Variants in SDCCAG8 observed in about 807,000 individuals in gnomAD.
SDCCAG8 encodes the protein SHH signaling and ciliogenesis regulator SDCCAG8.
Under a neutral mutation model 101.8 loss-of-function variants are expected in SDCCAG8, and 74 were observed. The ratio of observed to expected loss-of-function variants is 0.73; its 90% CI spans 0.60 to 0.88. The LOEUF is 0.88. Ranked by LOEUF, SDCCAG8 falls within the 40% of genes least tolerant of loss-of-function variation. The pLI, the probability that SDCCAG8 is intolerant of heterozygous loss-of-function variation, is 0.00. For synonymous variants in SDCCAG8, 281 were observed against 292.9 expected, an observed-to-expected ratio of 0.96 and a Z score of 0.41; for missense variants, 787 against 822.6, an observed-to-expected ratio of 0.96 and a Z score of 0.53.
intron 16 of SDCCAG8, among the ~76,000 whole-genome samples, chr1:243,461,319 A>G (rs1659061371): frequency 6.6e-6 from 1 of 152,226 alleles, no homozygotes; most frequent in Non-Finnish European, 1.5e-5. Flanking sequence ...AATGCAGTCA[A>G]ATGTAAGGTT....
intron 16 of SDCCAG8, among the ~76,000 whole-genome samples, chr1:243,482,408 G>T (rs538065643): frequency 6.6e-6 from 1 of 152,188 alleles, no homozygotes; most frequent in African/African-American, 2.4e-5. Context: ...GGGCGTGTTT[G>T]TTCCCATGGT....
intron 10 of SDCCAG8, among the ~76,000 whole-genome samples, chr1:243,338,208 C>T (rs1013984954): frequency 4.6e-5 from 7 of 152,128 alleles, no homozygotes; most frequent in Non-Finnish European, 1.0e-4. Context: ...AGCCACAGTG[C>T]CCGGCCTTTC....
intron 13 of SDCCAG8, among the ~76,000 whole-genome samples, chr1:243,386,773 G>A (rs1377255052): frequency 2.0e-5 from 3 of 151,666 alleles, no homozygotes; most frequent in Admixed American, 6.6e-5. Context: ...GAAAGTGAGA[G>A]AGAGAGAGAG....
At chr1:243,476,815 C>T (rs1662503353) in intron 16 of SDCCAG8, among the ~76,000 whole-genome samples, 1 of 152,106 alleles carries the variant, frequency 6.6e-6, no homozygotes, top group African/African-American at 2.4e-5. Context: ...ATTATTGGGC[C>T]AGTCAACAAG....
At chr1:243,296,618 C>G (rs964443458) in intron 6 of SDCCAG8, among the ~76,000 whole-genome samples, 1 of 144,662 alleles carries the variant, frequency 6.9e-6, no homozygotes, top group Non-Finnish European at 1.5e-5. Flanking sequence ...TCTCCGCTCA[C>G]TGCAAGCTCC....
chr1:243,452,299 G>A (rs577261971), intron 16 of SDCCAG8, among the ~76,000 whole-genome samples: 37 of 151,726 alleles, frequency 2.4e-4, no homozygotes, highest in African/African-American at 8.0e-4. Flanking sequence ...GGGGTTTTTC[G>A]TCTTCCCCTT....
At chr1:243,330,783 A>T (rs988391464) in intron 10 of SDCCAG8, 91 bp downstream of exon 10, 1 of 1,302,072 alleles carries the variant, frequency 7.7e-7, no homozygotes, top group Non-Finnish European at 1.1e-6. Flanking sequence ...TCTTGAATGA[A>T]CTTTAAATTT....
intron 15 of SDCCAG8, among the ~76,000 whole-genome samples, chr1:243,419,621 C>T (rs2148022973): frequency 6.6e-6 from 1 of 152,234 alleles, no homozygotes; most frequent in African/African-American, 2.4e-5. Context: ...TATTATCTTC[C>T]AGATAAGGAA....
intron 16 of SDCCAG8, among the ~76,000 whole-genome samples, chr1:243,469,946 C>T (rs1171736963): frequency 1.4e-5 from 2 of 147,408 alleles, no homozygotes; most frequent in Non-Finnish European, 3.0e-5. Context: ...CTTCAGATAA[C>T]ATGCCCCATA....
chr1:243,356,420 C>CGGGG (rs34982506), intron 12 of SDCCAG8, among the ~76,000 whole-genome samples: 18 of 128,364 alleles, frequency 1.4e-4, no homozygotes, highest in African/African-American at 4.4e-4. Flanking sequence ...AAAGTAGTGG[C>CGGGG]GGGGGGGTGG....
At chr1:243,395,655 G>A (rs1223372578) in intron 13 of SDCCAG8, among the ~76,000 whole-genome samples, 1 of 152,076 alleles carries the variant, frequency 6.6e-6, no homozygotes, top group African/African-American at 2.4e-5. Flanking sequence ...TCAGTACTTA[G>A]ATTTTAACCT....
At chr1:243,331,207 G>T (rs2074566346) in intron 10 of SDCCAG8, among the ~76,000 whole-genome samples, 1 of 152,204 alleles carries the variant, frequency 6.6e-6, no homozygotes, top group South Asian at 2.1e-4. Flanking sequence ...TGAAGGGAGA[G>T]ATTTAAGGCA....
Position 243,256,060 on chromosome 1 carries a change from C to T in SDCCAG8, c.-114C>T. 8.2e-6 allele frequency: 8 copies of T among 971,046 alleles called. No homozygotes were observed. Among genetic ancestry groups the T allele is most frequent in the Non-Finnish European group, 1.3e-5 (8 of 594,388 alleles). 60.2% of individuals were successfully genotyped at this position (971,046 alleles called of 1,614,324 possible). ...TGCGGGATTCTAGGCTCCCCTGTGA[C>T]AGCCGCGGCAGGAAGCAGGCGGGCG... is the stretch of plus-strand genomic sequence containing the variant. On this transcript the variant is annotated 5_prime_UTR_variant, in exon 1 of 18. Transcript: ENST00000366541.
intron 16 of SDCCAG8, among the ~76,000 whole-genome samples, chr1:243,451,374 C>T (rs1234246528): frequency 6.6e-6 from 1 of 152,222 alleles, no homozygotes; most frequent in Non-Finnish European, 1.5e-5. Flanking sequence ...GTTCTCCCCT[C>T]CATAATCCTT....
At chr1:243,410,060 T>C (rs2080064408) in intron 13 of SDCCAG8, among the ~76,000 whole-genome samples, 1 of 152,142 alleles carries the variant, frequency 6.6e-6, no homozygotes. Flanking sequence ...AACTTTACAG[T>C]AGAGAGGCCT....
chr1:243,420,684 C>T (rs569471432), intron 15 of SDCCAG8, among the ~76,000 whole-genome samples: 7 of 152,238 alleles, frequency 4.6e-5, no homozygotes, highest in Admixed American at 2.6e-4. Context: ...CTAAAACTTA[C>T]GAAAAGTGCA....
chr1:243,364,364 T>A (rs991330651), intron 12 of SDCCAG8, among the ~76,000 whole-genome samples: 1 of 152,168 alleles, frequency 6.6e-6, no homozygotes, highest in Non-Finnish European at 1.5e-5. Context: ...GCATAAATGT[T>A]AGTAAGAGCC....
chr1:243,373,144 G>A (rs2077403122), intron 12 of SDCCAG8, among the ~76,000 whole-genome samples: 1 of 151,808 alleles, frequency 6.6e-6, no homozygotes, highest in Admixed American at 6.6e-5. Flanking sequence ...TATGGATCTT[G>A]GCCAAAAAAA....
chr1:243,319,564 G>A (rs1325032184), intron 9 of SDCCAG8, among the ~76,000 whole-genome samples: 2 of 151,896 alleles, frequency 1.3e-5, no homozygotes, highest in Admixed American at 1.3e-4. Context: ...GTAGAGACAG[G>A]GTTTCACAAT....
Sources: gnomAD v4.1 joint callset for allele counts (sites outside exome capture counted in the v4.1 genomes callset) on GRCh38, gnomAD v4.1.1 for gene constraint, MANE v1.5 for transcripts, NCBI Gene and HGNC (gene_info 2026-07-23, HGNC 2026-07-21) for gene names.